GPR39: variants seen among roughly 807,000 people sequenced by gnomAD.
GPR39 encodes the protein zinc sensing receptor.
In GPR39, 23 loss-of-function variants were observed where a neutral mutation model predicts 18.4. That is an observed-to-expected ratio of 1.25 (90% CI 0.90 to 1.77). The LOEUF (loss-of-function observed/expected upper bound fraction) is 1.77. GPR39 is among the 40% of genes most tolerant of loss of function. The pLI is 0.00. For missense variants in GPR39, 647 were observed against 602.4 expected (o/e 1.07, Z -0.78); for synonymous variants, 280 against 257.9 (o/e 1.09, Z -0.82).
chr2:132,583,337 C>T (rs1680661647), intron 1 of GPR39, among the ~76,000 whole-genome samples: 1 of 151,518 alleles, frequency 6.6e-6, no homozygotes, highest in African/African-American at 2.4e-5. Flanking sequence ...TGTTAGCAAA[C>T]ACTCCTTCCT....
At chr2:132,644,867 A>C (rs1244982533) in intron 1 of GPR39, 1 of 563,290 alleles carries the variant, frequency 1.8e-6, no homozygotes, top group East Asian at 2.9e-5. Context: ...TGTCTAAAGC[A>C]TTTAATGGTC....
At chr2:132,497,637 C>T (rs1323791324) in intron 1 of GPR39, among the ~76,000 whole-genome samples, 1 of 152,188 alleles carries the variant, frequency 6.6e-6, no homozygotes, top group Non-Finnish European at 1.5e-5. Flanking sequence ...TTATTTCCCA[C>T]TTTGGAACAA....
At chr2:132,573,911 G>A (rs190582743) in intron 1 of GPR39, among the ~76,000 whole-genome samples, 148 of 152,264 alleles carry the variant, frequency 9.7e-4, no homozygotes, top group Admixed American at 2.4e-3. Flanking sequence ...TCAGTTAAAC[G>A]CTAGATTTTA....
At chr2:132,502,513 T>A (rs1296137563) in intron 1 of GPR39, among the ~76,000 whole-genome samples, 1 of 152,202 alleles carries the variant, frequency 6.6e-6, no homozygotes, top group Non-Finnish European at 1.5e-5. Context: ...CTTTTTCTTG[T>A]CTTGACTTTA....
intron 1 of GPR39, among the ~76,000 whole-genome samples, chr2:132,544,799 CT>C (rs1679913780): frequency 6.6e-6 from 1 of 152,138 alleles, no homozygotes; most frequent in South Asian, 2.1e-4. Flanking sequence ...GACAGACCAC[CT>C]GAAGTTGGGT....
intron 1 of GPR39, among the ~76,000 whole-genome samples, chr2:132,633,292 A>G (rs1458266479): frequency 6.7e-6 from 1 of 150,064 alleles, no homozygotes; most frequent in Non-Finnish European, 1.5e-5. Context: ...CCTTTATTAT[A>G]TCCTCTACTT....
intron 1 of GPR39, among the ~76,000 whole-genome samples, chr2:132,428,795 G>T (rs1680174052): frequency 6.6e-6 from 1 of 152,218 alleles, no homozygotes; most frequent in South Asian, 2.1e-4. Context: ...ATCACTTGTT[G>T]TGTAGTTGTA....
chr2:132,602,087 G>A (rs1405021698), intron 1 of GPR39, among the ~76,000 whole-genome samples: 2 of 150,040 alleles, frequency 1.3e-5, no homozygotes, highest in African/African-American at 4.9e-5. Flanking sequence ...AATAGCCAAA[G>A]CAATACTGAG....
At chr2:132,519,507 G>A (rs994649169) in intron 1 of GPR39, among the ~76,000 whole-genome samples, 1 of 152,160 alleles carries the variant, frequency 6.6e-6, no homozygotes, top group African/African-American at 2.4e-5. Context: ...TATTGTAAAT[G>A]TTTAATAGGA....
chr2:132,460,465 A>C (rs907467426), intron 1 of GPR39, among the ~76,000 whole-genome samples: 1 of 152,204 alleles, frequency 6.6e-6, no homozygotes, highest in Non-Finnish European at 1.5e-5. Flanking sequence ...GAAAATGTAC[A>C]TTTGACACCA....
rs756367346 is a variant in GPR39, at chr2:132,417,042, C to G, written c.-1C>G. ...GACCTGGTAGCCTGGTGCTCTTTCTCATGGCTTCACCCAGCCTCCCGGGCA... is the reference window on the plus strand; with the variant it reads ...GACCTGGTAGCCTGGTGCTCTTTCTGATGGCTTCACCCAGCCTCCCGGGCA... On this transcript the variant is annotated 5_prime_UTR_variant, in exon 1 of 2. Coordinates refer to ENST00000329321, the MANE Select transcript of GPR39 (RefSeq NM_001508.3). 1.2e-6 allele frequency: 2 copies of G among 1,612,174 alleles called. No individual in the cohort carries two copies. The highest frequency in any genetic ancestry group is 2.7e-5 in the African/African-American group (2 of 74,896).
chr2:132,526,694 A>G (rs1373444875), intron 1 of GPR39, among the ~76,000 whole-genome samples: 1 of 151,962 alleles, frequency 6.6e-6, no homozygotes, highest in Admixed American at 6.6e-5. Context: ...CTGCCTTTCC[A>G]TGTCCGTGGT....
chr2:132,598,365 A>AT (rs201356581), intron 1 of GPR39, among the ~76,000 whole-genome samples: 25,315 of 131,016 alleles, frequency 0.19, 2,224 homozygotes, highest in Admixed American at 0.25. Flanking sequence ...TCACCAAGGG[A>AT]TTTTTTTTTT....
intron 1 of GPR39, among the ~76,000 whole-genome samples, chr2:132,526,414 A>G (rs1487644600): frequency 6.6e-6 from 1 of 152,152 alleles, no homozygotes; most frequent in Non-Finnish European, 1.5e-5. Flanking sequence ...GTTTTCTTCT[A>G]CCTGGGGAAG....
In GPR39 at chr2:132,485,950, G is replaced by A. The variant is rs539334515; in HGVS notation, c.856+68052G>A. 5.3e-5 allele frequency among the ~76,000 whole-genome samples: 8 copies of A among 152,210 alleles called. No homozygotes were observed. The South Asian group carries it at 1.0e-3, about 20-fold the overall frequency. ...TTTCCCCAGACTTATCAGAAGGATC[G>A]CTGACAGCTATAGACTTATGAGAAG... On this transcript the variant is annotated intron_variant, in intron 1 of 1. Transcript: ENST00000329321.
At chr2:132,503,566 C>CT (rs1305444482) in intron 1 of GPR39, among the ~76,000 whole-genome samples, 1 of 152,192 alleles carries the variant, frequency 6.6e-6, no homozygotes, top group African/African-American at 2.4e-5. Context: ...GGAGGTGGCA[C>CT]TTTTAAGAGT....
chr2:132,426,961 ACT>A (rs1182405975), intron 1 of GPR39, among the ~76,000 whole-genome samples: 2 of 151,636 alleles, frequency 1.3e-5, no homozygotes, highest in Non-Finnish European at 2.9e-5. Context: ...GAGAGAAGCC[ACT>A]CTCTTTCTTT....
chr2:132,605,400 C>T (rs1478014086), intron 1 of GPR39, among the ~76,000 whole-genome samples: 1 of 151,770 alleles, frequency 6.6e-6, no homozygotes, highest in Non-Finnish European at 1.5e-5. Context: ...TTCATGCGGC[C>T]CATTAGTCTG....
rs555321203 is a variant in GPR39, at chr2:132,440,168, C to G, written c.856+22270C>G. 2.0e-5 allele frequency among the ~76,000 whole-genome samples: 3 copies of G among 152,276 alleles called. No individual in the cohort carries two copies. The East Asian group carries it at 5.8e-4, about 29-fold the overall frequency. On this transcript the variant is annotated intron_variant, in intron 1 of 1. Coordinates refer to ENST00000329321, the MANE Select transcript of GPR39 (RefSeq NM_001508.3). ...CTGATGGTAGGTCACGGACCCTAGCCATCTCCAAAGGACAGAGTCCTTTTC... is the reference window on the plus strand; with the variant it reads ...CTGATGGTAGGTCACGGACCCTAGCGATCTCCAAAGGACAGAGTCCTTTTC...
Sources: gnomAD v4.1 joint callset for allele counts (sites outside exome capture counted in the v4.1 genomes callset) on GRCh38, gnomAD v4.1.1 for gene constraint, MANE v1.5 for transcripts, NCBI Gene and HGNC (gene_info 2026-07-23, HGNC 2026-07-21) for gene names.